The following ERBB4 variants were observed in gnomAD, a reference collection of about 807,000 sequenced individuals.
The protein encoded by ERBB4 is receptor tyrosine-protein kinase erbB-4.
A neutral mutation model predicts 158.0 loss-of-function variants in ERBB4; 42 were observed. The observed-to-expected ratio is 0.27, with a 90% confidence interval of 0.21 to 0.34. The LOEUF is 0.34. Among genes scored for constraint, ERBB4 ranks in the 10% least tolerant of loss-of-function variants. ERBB4 has a pLI of 1.00. For synonymous variants in ERBB4, 583 were observed against 558.7 expected (o/e 1.04, Z -0.61); for missense variants, 1,333 against 1,624.1 (o/e 0.82, Z 3.08).
At chr2:211,747,831 A>G (rs1233291895) in intron 5 of ERBB4, among the ~76,000 whole-genome samples, 1 of 151,836 alleles carries the variant, frequency 6.6e-6, no homozygotes, top group East Asian at 1.9e-4. Flanking sequence ...AATATATAAT[A>G]TGTATACAGA....
At chr2:212,149,160 T>G (rs1559599366) in intron 1 of ERBB4, among the ~76,000 whole-genome samples, 1 of 117,666 alleles carries the variant, frequency 8.5e-6, no homozygotes, top group African/African-American at 3.5e-5. Flanking sequence ...AAACTTAAAA[T>G]ATAATAATTA....
At position 211,861,864 on chromosome 2, in the gene ERBB4, G is replaced by C. The variant is rs577075130; in HGVS notation, c.422-73705C>G. Among the ~76,000 whole-genome samples, 48 of 147,694 alleles carry C rather than the reference G, an allele frequency of 3.2e-4. 1 individual carries two copies. The East Asian group carries it at 1.0e-2, about 31-fold the overall frequency. ...CAGAGGATTTGGAATGCTGACCAAT[G>C]GGGTTATAAAATGAAATGCTAATTT... On this transcript the variant is annotated intron_variant, in intron 3 of 27. Transcript: ENST00000342788.
intron 1 of ERBB4, among the ~76,000 whole-genome samples, chr2:212,286,856 C>T (rs2086004804): frequency 7.0e-6 from 1 of 143,612 alleles, no homozygotes; most frequent in Non-Finnish European, 1.5e-5. Context: ...AGCGATCCGC[C>T]AGCCTCTGCC....
At chr2:212,441,120 C>A (rs540058515) in intron 1 of ERBB4, among the ~76,000 whole-genome samples, 2 of 152,178 alleles carry the variant, frequency 1.3e-5, no homozygotes, top group South Asian at 4.1e-4. Context: ...AGAATGAGAC[C>A]CTGCATCTCG....
rs74406531 is a variant in ERBB4, at chr2:212,274,130, G to C, written c.83-149227C>G. On this transcript the variant is annotated intron_variant, in intron 1 of 27. Transcript: ENST00000342788. Reference sequence around the variant, plus strand: ...GAGAGGAAAATAGATTTACAGTACTGTACTGTATCAATACTCTAACTGTAT... The same window carrying C: ...GAGAGGAAAATAGATTTACAGTACTCTACTGTATCAATACTCTAACTGTAT... Among the ~76,000 whole-genome samples, 753 of 151,958 alleles carry C rather than the reference G, an allele frequency of 5.0e-3. 3 individuals are homozygous for C. The highest frequency in any genetic ancestry group is 0.03 in the East Asian group (152 of 5,138).
intron 19 of ERBB4, among the ~76,000 whole-genome samples, chr2:211,607,350 A>G (rs1289515970): frequency 1.3e-5 from 2 of 152,170 alleles, no homozygotes; most frequent in Admixed American, 1.3e-4. Context: ...CAAACTCCTC[A>G]GTTCAATGAG....
intron 1 of ERBB4, among the ~76,000 whole-genome samples, chr2:212,467,548 G>A (rs112372805): frequency 0.032 from 4,923 of 152,300 alleles, 130 homozygotes; most frequent in African/African-American, 0.076. Context: ...TGTTGAGCCC[G>A]CCAGTGCACA....
At chr2:211,496,140 T>G (rs1422703382) in intron 20 of ERBB4, among the ~76,000 whole-genome samples, 1 of 152,044 alleles carries the variant, frequency 6.6e-6, no homozygotes, top group Admixed American at 6.6e-5. Flanking sequence ...GGTTCTTCCT[T>G]ATCTCTCTAT....
intron 1 of ERBB4, among the ~76,000 whole-genome samples, chr2:212,154,665 A>C (rs1376760404): frequency 6.6e-6 from 1 of 152,130 alleles, no homozygotes. Flanking sequence ...CTAATTTGAC[A>C]ATAATGAGCC....
chr2:211,836,464 C>G (rs2077344515), intron 3 of ERBB4, among the ~76,000 whole-genome samples: 1 of 151,992 alleles, frequency 6.6e-6, no homozygotes, highest in Non-Finnish European at 1.5e-5. Context: ...GAGGGAAATC[C>G]ATTAGAGATT....
intron 16 of ERBB4, among the ~76,000 whole-genome samples, chr2:211,652,671 A>C (rs902924986): frequency 1.3e-5 from 2 of 152,212 alleles, no homozygotes; most frequent in African/African-American, 4.8e-5. Flanking sequence ...TGTGACAAGA[A>C]TATAAAATGT....
chr2:211,835,121 T>C (rs899654356), intron 3 of ERBB4, among the ~76,000 whole-genome samples: 8 of 146,822 alleles, frequency 5.4e-5, no homozygotes, highest in African/African-American at 2.0e-4. Flanking sequence ...CAAAGGCTAA[T>C]GAAATGTTAA....
intron 1 of ERBB4, among the ~76,000 whole-genome samples, chr2:212,137,976 C>T (rs994272655): frequency 6.6e-6 from 1 of 152,182 alleles, no homozygotes; most frequent in Non-Finnish European, 1.5e-5. Flanking sequence ...GAAAACAATA[C>T]ATGGTGCTCT....
chr2:212,250,455 T>C (rs1171750633), intron 1 of ERBB4, among the ~76,000 whole-genome samples: 2 of 151,976 alleles, frequency 1.3e-5, no homozygotes, highest in Non-Finnish European at 2.9e-5. Flanking sequence ...TTTTGGCTGC[T>C]CAGGAACCTC....
rs116092891 is a variant in ERBB4 at position 212,257,749 on chromosome 2, T to C, written c.83-132846A>G. On this transcript the variant is annotated intron_variant, in intron 1 of 27. Coordinates refer to ENST00000342788, the MANE Select transcript of ERBB4 (RefSeq NM_005235.3). ...GCAAGTAAACAAACTTCTTTGCACT[T>C]TGTAATATGTATATATTATCTACTG... 6.5e-3 allele frequency among the ~76,000 whole-genome samples: 988 copies of C among 152,270 alleles called. 15 individuals are homozygous for C. The highest frequency in any genetic ancestry group is 0.022 in the African/African-American group (904 of 41,568).
At chr2:211,570,703 C>T (rs2067698464) in intron 19 of ERBB4, among the ~76,000 whole-genome samples, 1 of 152,092 alleles carries the variant, frequency 6.6e-6, no homozygotes, top group Non-Finnish European at 1.5e-5. Context: ...TGTGTCCCAT[C>T]CCATATTCCA....
At chr2:211,827,622 C>CT (rs1272994350) in intron 3 of ERBB4, among the ~76,000 whole-genome samples, 3 of 149,134 alleles carry the variant, frequency 2.0e-5, no homozygotes, top group African/African-American at 7.4e-5. Flanking sequence ...TGTCAAAAAA[C>CT]TTAAGTAAAT....
chr2:211,834,830 A>AC (rs2077304465), intron 3 of ERBB4, among the ~76,000 whole-genome samples: 1 of 152,126 alleles, frequency 6.6e-6, no homozygotes, highest in African/African-American at 2.4e-5. Flanking sequence ...TTCTTGATGT[A>AC]CCACTTGGGT....
chr2:212,313,344 T>C (rs1459350874), intron 1 of ERBB4, among the ~76,000 whole-genome samples: 1 of 150,842 alleles, frequency 6.6e-6, no homozygotes, highest in African/African-American at 2.4e-5. Flanking sequence ...AATTAATAAA[T>C]TTATTCTGCC....
Sources: gnomAD v4.1 joint callset for allele counts (sites outside exome capture counted in the v4.1 genomes callset) on GRCh38, gnomAD v4.1.1 for gene constraint, MANE v1.5 for transcripts, NCBI Gene and HGNC (gene_info 2026-07-23, HGNC 2026-07-21) for gene names.